The following CPQ variants were observed in gnomAD, a reference collection of about 807,000 sequenced individuals.
CPQ encodes Ser-Met dipeptidase.
In CPQ, 37 loss-of-function variants were observed where a neutral mutation model predicts 45.7. The ratio of observed to expected loss-of-function variants is 0.81; its 90% confidence interval spans 0.62 to 1.07. The LOEUF (loss-of-function observed/expected upper bound fraction) is 1.07. CPQ is among the 50% of genes least tolerant of loss of function. The pLI is 0.00. For missense variants in CPQ, 537 were observed against 572.9 expected, an observed-to-expected ratio of 0.94 and a Z score of 0.64; for synonymous variants, 186 against 205.8, an observed-to-expected ratio of 0.90 and a Z score of 0.82.
chr8:97,122,051 G>T (rs988596820), intron 7 of CPQ, among the ~76,000 whole-genome samples: 2 of 151,988 alleles, frequency 1.3e-5, no homozygotes, highest in East Asian at 3.8e-4. Context: ...CATGACCTGT[G>T]GGACAACATC....
At chr8:96,905,181 AG>A in intron 4 of CPQ, among the ~76,000 whole-genome samples, 1 of 152,164 alleles carries the variant, frequency 6.6e-6, no homozygotes, top group East Asian at 1.9e-4. Context: ...AGAGAGAGTG[AG>A]GGGGGAAGTG....
chr8:96,704,243 C>T (rs1809504042), intron 1 of CPQ, among the ~76,000 whole-genome samples: 2 of 152,124 alleles, frequency 1.3e-5, no homozygotes, highest in South Asian at 4.1e-4. Context: ...AATTATCTTG[C>T]CTTTTTGCTC....
intron 3 of CPQ, among the ~76,000 whole-genome samples, chr8:96,845,731 T>G (rs528717140): frequency 6.6e-6 from 1 of 152,330 alleles, no homozygotes; most frequent in Non-Finnish European, 1.5e-5. Context: ...AATGACTCAT[T>G]TACTCTTCTG....
At chr8:96,699,839 A>T (rs1809432228) in intron 1 of CPQ, among the ~76,000 whole-genome samples, 1 of 152,088 alleles carries the variant, frequency 6.6e-6, no homozygotes, top group Non-Finnish European at 1.5e-5. Context: ...TGTCCTTATC[A>T]CTCTAAACTG....
In CPQ at chr8:96,941,535, T is replaced by C. The variant is rs149307802; in HGVS notation, c.850-24400T>C. ...AAAGCATGGCAGTATGTCTTAAAACTGTACAATATGGTTACTATTAGTAGT... is the reference window on the plus strand; with the variant it reads ...AAAGCATGGCAGTATGTCTTAAAACCGTACAATATGGTTACTATTAGTAGT... On this transcript the variant is annotated intron_variant, in intron 4 of 7. Coordinates refer to ENST00000220763, the MANE Select transcript of CPQ (RefSeq NM_016134.4). Among the ~76,000 whole-genome samples the C allele has an allele frequency of 6.8e-3, 1,039 of 152,226 alleles. 6 individuals carry two copies. Among genetic ancestry groups the C allele is most frequent in the Non-Finnish European group, 0.01 (710 of 68,016 alleles).
intron 6 of CPQ, among the ~76,000 whole-genome samples, chr8:97,047,127 C>T (rs566246264): frequency 9.2e-5 from 14 of 152,266 alleles, no homozygotes; most frequent in Middle Eastern, 3.4e-3. Flanking sequence ...TTATAAATTA[C>T]GCTTTCGTGG....
chr8:96,790,576 G>A (rs1055709620), intron 2 of CPQ, among the ~76,000 whole-genome samples: 5 of 152,144 alleles, frequency 3.3e-5, no homozygotes, highest in African/African-American at 9.7e-5. Context: ...AGGTGAAACT[G>A]TAGCCCTAAA....
chr8:97,083,547 G>T (rs191366765), intron 7 of CPQ, among the ~76,000 whole-genome samples: 1 of 152,264 alleles, frequency 6.6e-6, no homozygotes, highest in East Asian at 1.9e-4. Context: ...AGAGAATAAT[G>T]CCAAGAAGAA....
chr8:96,819,266 A>G (rs545605239), intron 2 of CPQ, among the ~76,000 whole-genome samples: 100 of 152,268 alleles, frequency 6.6e-4, no homozygotes, highest in African/African-American at 2.2e-3. Context: ...TGAAAAATAT[A>G]ACCTTTATTT....
At chr8:97,137,356 G>A (rs1278337280) in intron 7 of CPQ, among the ~76,000 whole-genome samples, 1 of 152,174 alleles carries the variant, frequency 6.6e-6, no homozygotes, top group Non-Finnish European at 1.5e-5. Context: ...TCCAAGCTCT[G>A]TCTGCTGGAA....
At chr8:96,814,639 T>C (rs1417186357) in intron 2 of CPQ, among the ~76,000 whole-genome samples, 1 of 152,224 alleles carries the variant, frequency 6.6e-6, no homozygotes, top group Non-Finnish European at 1.5e-5. Context: ...TCATTCATTC[T>C]ATATGCCAGT....
chr8:96,842,539 G>C lies in CPQ; in HGVS notation c.641+7359G>C, dbSNP rs1811626571. On this transcript the variant is annotated intron_variant, in intron 3 of 7. Transcript: ENST00000220763. ...AGGTGGGGCCACTGTGCTCCCAAGG[G>C]GGAACCAGAGAAGACCCACAACAAA... Among the ~76,000 whole-genome samples, 3 of 152,086 alleles carry C rather than the reference G, an allele frequency of 2.0e-5. 1 individual carries two copies. The highest frequency in any genetic ancestry group is 2.0e-4 in the Admixed American group (3 of 15,276).
At chr8:97,034,118 T>C (rs544145672) in intron 6 of CPQ, among the ~76,000 whole-genome samples, 1 of 152,326 alleles carries the variant, frequency 6.6e-6, no homozygotes, top group East Asian at 1.9e-4. Flanking sequence ...TATTTATAGC[T>C]TGTGTATACA....
At chr8:96,716,971 G>A (rs1809682480) in intron 1 of CPQ, among the ~76,000 whole-genome samples, 1 of 142,372 alleles carries the variant, frequency 7.0e-6, no homozygotes, top group South Asian at 2.2e-4. Flanking sequence ...CCATGTTGCT[G>A]TGAATGTCAT....
intron 1 of CPQ, among the ~76,000 whole-genome samples, chr8:96,674,626 C>G (rs562842165): frequency 2.9e-4 from 44 of 152,170 alleles, no homozygotes; most frequent in African/African-American, 1.0e-3. Flanking sequence ...CATAGCAGTT[C>G]TAAAGAGGAA....
chr8:96,837,574 G>C (rs188179628), intron 3 of CPQ, among the ~76,000 whole-genome samples: 1 of 152,052 alleles, frequency 6.6e-6, no homozygotes, highest in Non-Finnish European at 1.5e-5. Context: ...CACTGTGACT[G>C]TTTGACCTGT....
chr8:96,946,707 G>C (rs1813194290), intron 4 of CPQ, among the ~76,000 whole-genome samples: 2 of 151,222 alleles, frequency 1.3e-5, no homozygotes. Context: ...GAGCTTCCTG[G>C]GTCAGTACGC....
At chr8:96,816,094 G>C (rs1307958790) in intron 2 of CPQ, among the ~76,000 whole-genome samples, 1 of 152,110 alleles carries the variant, frequency 6.6e-6, no homozygotes, top group Non-Finnish European at 1.5e-5. Context: ...TTTCATGAAA[G>C]ATTCTTCTGG....
At chr8:97,061,766 G>A (rs1469606475) in intron 6 of CPQ, among the ~76,000 whole-genome samples, 2 of 152,136 alleles carry the variant, frequency 1.3e-5, no homozygotes, top group Non-Finnish European at 2.9e-5. Flanking sequence ...AATCTGAGAA[G>A]TGTTGATGCT....
Sources: allele counts gnomAD v4.1 joint callset (sites outside exome capture counted in the v4.1 genomes callset), GRCh38; gene constraint gnomAD v4.1.1; transcripts MANE v1.5; gene names NCBI Gene and HGNC (gene_info 2026-07-23, HGNC 2026-07-21).